Variants in PLCB1 observed in about 807,000 individuals in gnomAD.
The protein encoded by PLCB1 is 1-phosphatidylinositol 4,5-bisphosphate phosphodiesterase beta-1.
A neutral mutation model predicts 161.8 loss-of-function variants in PLCB1; 46 were observed. The ratio of observed to expected loss-of-function variants is 0.28; its 90% CI spans 0.22 to 0.36. PLCB1 has a LOEUF of 0.36. PLCB1 is among the 10% of genes least tolerant of loss of function. The probability of loss-of-function intolerance (pLI) is 1.00; values close to 1 mark genes in which losing one functional copy is unlikely to be tolerated. For synonymous variants in PLCB1, 517 were observed against 503.7 expected (o/e 1.03, Z -0.35); for missense variants, 1,016 against 1,472.5 (o/e 0.69, Z 5.07).
chr20:8,662,414 ATATATAATTATTTAT>A (rs1239054517), intron 9 of PLCB1, among the ~76,000 whole-genome samples: 4 of 127,380 alleles, frequency 3.1e-5, no homozygotes, highest in Admixed American at 2.7e-4. Flanking sequence ...ATTATGTATA[ATATATAATTATTTAT>A]TATATAATTA....
rs576636773 is a variant in PLCB1, at chr20:8,819,371, G to C, written c.3423+29110G>C. ...TCACACACAAAAATCCTATCTATGT[G>C]GTTTCAAGAATTAAATATGAAATAT... On this transcript the variant is annotated intron_variant, in intron 31 of 31. Transcript: ENST00000338037. Among the ~76,000 whole-genome samples, 53 of 152,094 alleles carry C rather than the reference G, an allele frequency of 3.5e-4. No homozygotes were observed. In the South Asian group the frequency reaches 9.2e-3, roughly 26 times the overall value.
At position 8,455,328 on chromosome 20, in the gene PLCB1, C is replaced by CAA. The variant is rs1237714702; in HGVS notation, c.246+83893_246+83894dup. Among the ~76,000 whole-genome samples, 260 of 98,158 alleles carry CAA rather than the reference C, an allele frequency of 2.6e-3. 1 individual carries two copies. The highest frequency in any genetic ancestry group is 0.024 in the Middle Eastern group (4 of 166). The allele number at this position is 98,158 out of a possible 152,430, so 64.4% of individuals were successfully genotyped here. A position where few individuals can be genotyped will look rare whatever the true frequency, so the allele number is the denominator to read the frequency against. ...GGGCAACAGGGGAGAAACTCCATCA[C>CAA]AAAAAAAAAAAAAAAATACTGGTCA... On this transcript the variant is annotated intron_variant, in intron 3 of 31. Coordinates refer to ENST00000338037, the MANE Select transcript of PLCB1 (RefSeq NM_015192.4).
rs534271977 is a variant in PLCB1, at chr20:8,828,308, C to T, written c.3423+38047C>T. ...ACTTCTCTCTGTAATTCACCATCTTCCCCATTGTAAAAGGCAAATTAAGTC... is the reference window on the plus strand; with the variant it reads ...ACTTCTCTCTGTAATTCACCATCTTTCCCATTGTAAAAGGCAAATTAAGTC... On this transcript the variant is annotated intron_variant, in intron 31 of 31. Transcript: ENST00000338037. Among the ~76,000 whole-genome samples, 128 of 152,318 alleles carry T rather than the reference C, an allele frequency of 8.4e-4. 1 individual carries two copies. Among genetic ancestry groups the T allele is most frequent in the African/African-American group, 2.9e-3 (119 of 41,570 alleles).
intron 2 of PLCB1, among the ~76,000 whole-genome samples, chr20:8,273,796 T>C (rs1347958099): frequency 1.3e-5 from 2 of 152,188 alleles, no homozygotes; most frequent in East Asian, 3.8e-4. Flanking sequence ...ATGAATTGTT[T>C]CTAAAATGTA....
At chr20:8,859,929 A>G (rs1360000873) in intron 31 of PLCB1, among the ~76,000 whole-genome samples, 3 of 152,206 alleles carry the variant, frequency 2.0e-5, no homozygotes, top group Non-Finnish European at 4.4e-5. Context: ...TTGTATATAA[A>G]AGCTTCCACT....
At position 8,453,877 on chromosome 20, in the gene PLCB1, A is replaced by T. The variant is rs539030296; in HGVS notation, c.246+82427A>T. ...AAGCCCTCACCCACAGTGTAACTGT[A>T]TTTGAAAATAAGGCCTCTAAAGAAG... On this transcript the variant is annotated intron_variant, in intron 3 of 31. Coordinates refer to ENST00000338037, the MANE Select transcript of PLCB1 (RefSeq NM_015192.4). 2.6e-5 allele frequency among the ~76,000 whole-genome samples: 4 copies of T among 152,296 alleles called. No homozygotes were observed. The South Asian group carries it at 8.3e-4, about 32-fold the overall frequency.
At chr20:8,488,529 G>A (rs1438895383) in intron 3 of PLCB1, among the ~76,000 whole-genome samples, 4 of 152,072 alleles carry the variant, frequency 2.6e-5, no homozygotes, top group African/African-American at 9.7e-5. Flanking sequence ...AATATAACCA[G>A]GGCTGCCTCT....
intron 2 of PLCB1, among the ~76,000 whole-genome samples, chr20:8,206,426 T>C (rs1287202956): frequency 2.6e-5 from 4 of 152,046 alleles, no homozygotes; most frequent in Admixed American, 2.6e-4. Context: ...GAATTATGGG[T>C]AACCTCATAA....
chr20:8,508,339 ACTT>A (rs1458719314), intron 3 of PLCB1, among the ~76,000 whole-genome samples: 1 of 152,174 alleles, frequency 6.6e-6, no homozygotes, highest in Non-Finnish European at 1.5e-5. Context: ...CTGGGGCTGA[ACTT>A]CTTCCTATAA....
intron 2 of PLCB1, among the ~76,000 whole-genome samples, chr20:8,189,317 CTA>C (rs941107630): frequency 6.3e-5 from 9 of 142,718 alleles, no homozygotes; most frequent in Non-Finnish European, 1.2e-4. Flanking sequence ...ACTATAGTAA[CTA>C]TTTTAATATA....
intron 3 of PLCB1, among the ~76,000 whole-genome samples, chr20:8,402,879 A>G (rs1432520381): frequency 6.6e-6 from 1 of 152,012 alleles, no homozygotes; most frequent in Non-Finnish European, 1.5e-5. Context: ...AAAAGTTTTC[A>G]TTTGATTTTT....
At chr20:8,486,481 A>ATAT (rs1199264941) in intron 3 of PLCB1, among the ~76,000 whole-genome samples, 2 of 85,810 alleles carry the variant, frequency 2.3e-5, no homozygotes, top group Non-Finnish European at 4.3e-5. Context: ...ATTCCAAAAT[A>ATAT]TTTTTTTTTT....
intron 3 of PLCB1, among the ~76,000 whole-genome samples, chr20:8,609,633 C>T (rs1367873997): frequency 6.6e-6 from 1 of 152,108 alleles, no homozygotes; most frequent in African/African-American, 2.4e-5. Flanking sequence ...CACTGAATTC[C>T]ATGATTTACA....
At chr20:8,200,117 T>A (rs1222487023) in intron 2 of PLCB1, among the ~76,000 whole-genome samples, 1 of 152,120 alleles carries the variant, frequency 6.6e-6, no homozygotes, top group Non-Finnish European at 1.5e-5. Context: ...ATCTTCTCCC[T>A]CTTGGAAGTC....
rs74542057 is a variant in PLCB1, at chr20:8,582,133, G to A, written c.247-46161G>A. On this transcript the variant is annotated intron_variant, in intron 3 of 31. Transcript: ENST00000338037. ...GGACACCTCTGCCATAAGCTGAGTTGAAAAGGTTTGGAAGACATTATATTG... is the reference window on the plus strand; with the variant it reads ...GGACACCTCTGCCATAAGCTGAGTTAAAAAGGTTTGGAAGACATTATATTG... Among the ~76,000 whole-genome samples the A allele has an allele frequency of 9.2e-5, 14 of 152,288 alleles. No individual in the cohort carries two copies. In the East Asian group the frequency reaches 2.7e-3, roughly 30 times the overall value.
intron 3 of PLCB1, among the ~76,000 whole-genome samples, chr20:8,577,957 A>G (rs1441536680): frequency 6.6e-6 from 1 of 152,220 alleles, no homozygotes; most frequent in Non-Finnish European, 1.5e-5. Context: ...CTTTGTAAAC[A>G]AGCCTAAAAA....
intron 3 of PLCB1, among the ~76,000 whole-genome samples, chr20:8,413,383 A>G (rs1419881995): frequency 6.6e-6 from 1 of 152,202 alleles, no homozygotes. Flanking sequence ...TAAATTGTGA[A>G]CATTTGTACT....
intron 3 of PLCB1, among the ~76,000 whole-genome samples, chr20:8,399,220 T>C (rs1978438105): frequency 6.6e-6 from 1 of 151,990 alleles, no homozygotes; most frequent in Non-Finnish European, 1.5e-5. Flanking sequence ...CCCAACACTA[T>C]TTTTTTCAGA....
chr20:8,860,979 T>A (rs921398114), intron 31 of PLCB1, among the ~76,000 whole-genome samples: 4 of 152,228 alleles, frequency 2.6e-5, no homozygotes, highest in African/African-American at 9.6e-5. Flanking sequence ...AATTTTATTC[T>A]GTTGGACATT....
Sources: allele counts gnomAD v4.1 joint callset (sites outside exome capture counted in the v4.1 genomes callset), GRCh38; gene constraint gnomAD v4.1.1; transcripts MANE v1.5; gene names NCBI Gene and HGNC (gene_info 2026-07-23, HGNC 2026-07-21).